The following STK32B variants were observed in gnomAD, a reference collection of about 807,000 sequenced individuals.
STK32B encodes the protein serine/threonine kinase 32B.
In STK32B, 43 loss-of-function variants were observed where a neutral mutation model predicts 52.6. The observed-to-expected ratio is 0.82, with a 90% CI of 0.64 to 1.05. The LOEUF is 1.05. STK32B is among the 50% of genes least tolerant of loss of function. STK32B has a pLI of 0.00. For synonymous variants in STK32B, 238 were observed against 204.3 expected (o/e 1.17, Z -1.41); for missense variants, 621 against 534.6 (o/e 1.16, Z -1.59).
intron 3 of STK32B, among the ~76,000 whole-genome samples, chr4:5,248,212 G>C (rs1047867688): frequency 6.6e-6 from 1 of 152,198 alleles, no homozygotes; most frequent in Non-Finnish European, 1.5e-5. Context: ...ACACAGTTGT[G>C]AGTGGAGGAG....
intron 3 of STK32B, among the ~76,000 whole-genome samples, chr4:5,233,727 GGT>G (rs1403453664): frequency 1.3e-5 from 2 of 151,308 alleles, no homozygotes; most frequent in Non-Finnish European, 2.9e-5. Context: ...GGGAGGCTGG[GGT>G]CACACATGCG....
chr4:5,270,086 T>C (rs1040168768), intron 3 of STK32B, among the ~76,000 whole-genome samples: 1 of 152,132 alleles, frequency 6.6e-6, no homozygotes, highest in Non-Finnish European at 1.5e-5. Flanking sequence ...TCAAGAAATT[T>C]GGAATAGAAG....
intron 1 of STK32B, among the ~76,000 whole-genome samples, chr4:5,122,193 C>G (rs1176978766): frequency 1.3e-5 from 2 of 152,222 alleles, no homozygotes; most frequent in African/African-American, 4.8e-5. Context: ...TTCACTCACT[C>G]ATTCACTCAT....
At chr4:5,226,298 G>C (rs1179043654) in intron 3 of STK32B, among the ~76,000 whole-genome samples, 1 of 152,080 alleles carries the variant, frequency 6.6e-6, no homozygotes, top group Non-Finnish European at 1.5e-5. Context: ...ATTTGTTTCA[G>C]TATGCAGTCA....
chr4:5,032,400 G>A, the STK32B span, among the ~76,000 whole-genome samples: 1 of 149,550 alleles, frequency 6.7e-6, no homozygotes, highest in Non-Finnish European at 1.5e-5. Flanking sequence ...TTCAACCCGG[G>A]AGGCGGAGGT....
intron 3 of STK32B, among the ~76,000 whole-genome samples, chr4:5,173,610 G>C (rs186381316): frequency 2.6e-5 from 4 of 152,238 alleles, no homozygotes; most frequent in Admixed American, 6.5e-5. Context: ...GTAGTTGAGC[G>C]GTTTTGAGTG....
chr4:5,298,474 T>A (rs1443825836), intron 3 of STK32B, among the ~76,000 whole-genome samples: 1 of 152,060 alleles, frequency 6.6e-6, no homozygotes, highest in African/African-American at 2.4e-5. Context: ...TCTTTCAGAG[T>A]TGCCCTGCCC....
intron 3 of STK32B, among the ~76,000 whole-genome samples, chr4:5,173,405 A>G (rs1021154112): frequency 2.6e-5 from 4 of 151,896 alleles, no homozygotes; most frequent in Non-Finnish European, 4.4e-5. Context: ...TAGCGTGTCA[A>G]TTTTGGATCT....
chr4:5,405,067 C>T (rs1737568620), intron 5 of STK32B, among the ~76,000 whole-genome samples: 2 of 151,780 alleles, frequency 1.3e-5, no homozygotes, highest in African/African-American at 2.4e-5. Context: ...AGGGTTTCAC[C>T]GTGTTAGCCA....
chr4:5,249,486 CCTTCCTTCCTTCCTT>C (rs1560259418), intron 3 of STK32B, among the ~76,000 whole-genome samples: 99 of 145,426 alleles, frequency 6.8e-4, no homozygotes, highest in Non-Finnish European at 1.3e-3. Flanking sequence ...TTCCTTCCTT[CCTTCCTTCCTTCCTT>C]CCTCCCTCCC....
At chr4:5,206,866 T>C (rs1397489926) in intron 3 of STK32B, among the ~76,000 whole-genome samples, 19 of 152,226 alleles carry the variant, frequency 1.2e-4, no homozygotes, top group Admixed American at 1.2e-3. Context: ...CTCCTACTTA[T>C]GCAAATCATT....
At chr4:5,198,501 G>A (rs527525499) in intron 3 of STK32B, among the ~76,000 whole-genome samples, 1 of 152,282 alleles carries the variant, frequency 6.6e-6, no homozygotes, top group South Asian at 2.1e-4. Context: ...ATGAATGTTC[G>A]AGTTGGGTAC....
intron 3 of STK32B, among the ~76,000 whole-genome samples, chr4:5,187,026 C>T (rs1486057756): frequency 6.6e-6 from 1 of 152,180 alleles, no homozygotes; most frequent in Non-Finnish European, 1.5e-5. Context: ...AGAGGACACG[C>T]AGTACAAAAA....
intron 4 of STK32B, among the ~76,000 whole-genome samples, chr4:5,351,338 A>G (rs1299741542): frequency 6.6e-6 from 1 of 152,120 alleles, no homozygotes; most frequent in Non-Finnish European, 1.5e-5. Context: ...ATGCATGGAA[A>G]TTAAACAACA....
intron 3 of STK32B, among the ~76,000 whole-genome samples, chr4:5,254,154 A>T (rs896009384): frequency 2.0e-5 from 3 of 152,140 alleles, no homozygotes; most frequent in Non-Finnish European, 4.4e-5. Context: ...TCGGTAAGGT[A>T]TGTTTTTCTA....
At chr4:5,053,432 A>G (rs1741866235) in intron 1 of STK32B, among the ~76,000 whole-genome samples, 1 of 152,170 alleles carries the variant, frequency 6.6e-6, no homozygotes, top group Non-Finnish European at 1.5e-5. Flanking sequence ...CCTCAATTGC[A>G]CGGGCTTGTG....
intron 1 of STK32B, among the ~76,000 whole-genome samples, chr4:5,108,163 A>T (rs1385966873): frequency 6.6e-6 from 1 of 152,120 alleles, no homozygotes; most frequent in Non-Finnish European, 1.5e-5. Flanking sequence ...TTTGCATCTT[A>T]TATGTTTCCG....
In STK32B at chr4:5,142,472, G is replaced by T. The variant is rs1716550791; in HGVS notation, c.108+2512G>T. 2.0e-5 allele frequency among the ~76,000 whole-genome samples: 3 copies of T among 152,294 alleles called. No individual in the cohort carries two copies. In the South Asian group the frequency reaches 6.2e-4, roughly 32 times the overall value. On this transcript the variant is annotated intron_variant, in intron 2 of 11. Transcript: ENST00000282908. The stretch of plus-strand genomic sequence containing the variant: ...CAGACTTCACTGTAGGCACATGGAG[G>T]CACCACAGAGCTTCTTGCCTTTTCA...
chr4:5,364,097 C>CA (rs147024360), intron 4 of STK32B, among the ~76,000 whole-genome samples: 7,624 of 152,112 alleles, frequency 0.05, 291 homozygotes, highest in African/African-American at 0.1. Context: ...CTGACCCCCC[C>CA]CACTGTCCAC....
Sources: allele counts gnomAD v4.1 joint callset (sites outside exome capture counted in the v4.1 genomes callset), GRCh38; gene constraint gnomAD v4.1.1; transcripts MANE v1.5; gene names NCBI Gene and HGNC (gene_info 2026-07-23, HGNC 2026-07-21).